The following CFAP90 variants were observed in gnomAD, a reference collection of about 807,000 sequenced individuals.
CFAP90 encodes cilia- and flagella-associated protein 90.
chr5:7,850,217 C>T, the CFAP90 span, among the ~76,000 whole-genome samples: 1 of 151,900 alleles, frequency 6.6e-6, no homozygotes, highest in African/African-American at 2.4e-5. Context: ...GCCCAGGCGC[C>T]TTGGCGGGAG....
chr5:7,850,839 G>T, the CFAP90 span: 1 of 1,208,362 alleles, frequency 8.3e-7, no homozygotes. Flanking sequence ...CAGCCGCCCA[G>T]CCTTCCGGTC....
At chr5:7,845,499 C>T in the CFAP90 span, among the ~76,000 whole-genome samples, 1 of 152,202 alleles carries the variant, frequency 6.6e-6, no homozygotes, top group Non-Finnish European at 1.5e-5. Context: ...GAGCTATCCA[C>T]AAGCCCCCTC....
the CFAP90 span, chr5:7,832,126 G>C: frequency 8.0e-7 from 1 of 1,256,612 alleles, no homozygotes; most frequent in South Asian, 1.4e-5. Context: ...AGCTTTTTCT[G>C]CCTGGGTCCC....
At chr5:7,845,163 T>A in the CFAP90 span, among the ~76,000 whole-genome samples, 1 of 152,112 alleles carries the variant, frequency 6.6e-6, no homozygotes, top group African/African-American at 2.4e-5. Flanking sequence ...TCAGATCTCC[T>A]GAGGACTCAC....
At chr5:7,850,756 TC>T in the CFAP90 span, 8 of 958,182 alleles carry the variant, frequency 8.3e-6, no homozygotes, top group Non-Finnish European at 9.0e-6. Context: ...TGATCCCTTC[TC>T]CCCCGCCCCT....
chr5:7,835,261 A>C, the CFAP90 span: 1 of 617,384 alleles, frequency 1.6e-6, no homozygotes, highest in Admixed American at 2.8e-5. Context: ...ACAAACTTTC[A>C]ATTTGTAAAA....
At chr5:7,832,015 C>T in the CFAP90 span, 37 of 1,609,604 alleles carry the variant, frequency 2.3e-5, no homozygotes, top group South Asian at 2.1e-4. Context: ...GCACTCCAAC[C>T]GGCCTCTCCT....
At chr5:7,837,530 T>A in the CFAP90 span, among the ~76,000 whole-genome samples, 3 of 152,206 alleles carry the variant, frequency 2.0e-5, no homozygotes, top group Admixed American at 6.5e-5. Flanking sequence ...TTATACAGTA[T>A]GTTGGAAAAT....
chr5:7,838,247 A>G, the CFAP90 span, among the ~76,000 whole-genome samples: 1 of 152,244 alleles, frequency 6.6e-6, no homozygotes, highest in Non-Finnish European at 1.5e-5. Context: ...ACACATGAAA[A>G]CAATAGGAAA....
chr5:7,835,350 G>GACA, the CFAP90 span: 3 of 1,235,510 alleles, frequency 2.4e-6, no homozygotes, highest in South Asian at 3.9e-5. Flanking sequence ...TTAATCTGTT[G>GACA]ACAACTTGTT....
chr5:7,834,514 TG>T, the CFAP90 span, among the ~76,000 whole-genome samples: 2 of 152,138 alleles, frequency 1.3e-5, 1 homozygote, highest in South Asian at 4.1e-4. Flanking sequence ...GTAGCCAAAG[TG>T]TACAGTGCTT....
the CFAP90 span, among the ~76,000 whole-genome samples, chr5:7,833,463 CAT>C: frequency 1.3e-5 from 2 of 150,276 alleles, no homozygotes; most frequent in South Asian, 4.2e-4. Flanking sequence ...GGCACACACA[CAT>C]GCACACACAT....
the CFAP90 span, chr5:7,850,908 G>A: frequency 7.3e-7 from 1 of 1,360,752 alleles, no homozygotes; most frequent in Non-Finnish European, 9.5e-7. Flanking sequence ...TGTGCTCTTT[G>A]GGGTCCAGGC....
the CFAP90 span, among the ~76,000 whole-genome samples, chr5:7,846,506 C>T: frequency 1.3e-5 from 2 of 152,128 alleles, no homozygotes; most frequent in East Asian, 1.9e-4. Context: ...CTGGGAGGGG[C>T]GAGGGAGCTC....
At chr5:7,846,299 A>C in the CFAP90 span, among the ~76,000 whole-genome samples, 3 of 152,194 alleles carry the variant, frequency 2.0e-5, no homozygotes, top group African/African-American at 7.2e-5. Context: ...TCACATAGAA[A>C]TAAACTAAAC....
the CFAP90 span, among the ~76,000 whole-genome samples, chr5:7,840,843 A>G: frequency 6.6e-6 from 1 of 152,210 alleles, no homozygotes; most frequent in Non-Finnish European, 1.5e-5. Context: ...AAATTTGGAC[A>G]TGAACATTCA....
chr5:7,837,612 C>T, the CFAP90 span, among the ~76,000 whole-genome samples: 9 of 152,298 alleles, frequency 5.9e-5, no homozygotes, highest in East Asian at 3.9e-4. Context: ...TAGAGCATAA[C>T]GTAGCTTTGG....
At chr5:7,833,277 GCACA>G in the CFAP90 span, among the ~76,000 whole-genome samples, 1 of 151,762 alleles carries the variant, frequency 6.6e-6, no homozygotes, top group African/African-American at 2.4e-5. Context: ...ATGTGTATAT[GCACA>G]CACACATGCA....
the CFAP90 span, chr5:7,830,486 AT>A: frequency 1.1e-4 from 17 of 152,352 alleles, no homozygotes; most frequent in Non-Finnish European, 2.1e-4. Flanking sequence ...CAAACTTTAT[AT>A]ATTTTCTATT....
Sources: allele counts gnomAD v4.1 joint callset (sites outside exome capture counted in the v4.1 genomes callset), GRCh38; gene constraint gnomAD v4.1.1; transcripts MANE v1.5; gene names NCBI Gene and HGNC (gene_info 2026-07-23, HGNC 2026-07-21).